Variants in RIT2 observed in about 807,000 individuals in gnomAD.
The protein encoded by RIT2 is Ras like without CAAX 2.
Under a neutral mutation model 23.7 loss-of-function variants are expected in RIT2, and 24 were observed. The observed-to-expected ratio is 1.01, with a 90% CI of 0.73 to 1.43. The LOEUF (loss-of-function observed/expected upper bound fraction) is 1.43. RIT2 is among the 40% of genes most tolerant of loss of function. RIT2 has a pLI of 0.00. For missense variants in RIT2, 236 were observed against 266.9 expected (o/e 0.88, Z 0.81); for synonymous variants, 107 against 91.1 (o/e 1.17, Z -0.99).
chr18:42,833,458 T>C (rs1906515945), intron 4 of RIT2, among the ~76,000 whole-genome samples: 1 of 152,220 alleles, frequency 6.6e-6, no homozygotes, highest in Admixed American at 6.5e-5. Context: ...GGAGTGCAGA[T>C]ATCCCTTTGA....
chr18:42,969,853 A>G (rs1177261460), intron 3 of RIT2, among the ~76,000 whole-genome samples: 1 of 152,076 alleles, frequency 6.6e-6, no homozygotes, highest in Non-Finnish European at 1.5e-5. Flanking sequence ...TTTAGATATC[A>G]AAGATAACCC....
chr18:42,814,068 G>C (rs989136135), intron 4 of RIT2, among the ~76,000 whole-genome samples: 2 of 152,210 alleles, frequency 1.3e-5, no homozygotes, highest in African/African-American at 4.8e-5. Flanking sequence ...TAAGGCCTGT[G>C]AGCTCACTGT....
intron 4 of RIT2, among the ~76,000 whole-genome samples, chr18:42,782,085 A>T (rs1158007626): frequency 1.3e-5 from 2 of 152,208 alleles, no homozygotes. Flanking sequence ...AGGAAAATGT[A>T]CAGTTTCTTT....
intron 4 of RIT2, among the ~76,000 whole-genome samples, chr18:42,757,679 G>A (rs141684533): frequency 6.6e-6 from 1 of 152,204 alleles, no homozygotes; most frequent in African/African-American, 2.4e-5. Context: ...TTCAATCTTA[G>A]CAGAGTCATC....
In RIT2 at chr18:43,111,162, A is replaced by G. The variant is rs886421070; in HGVS notation, c.103+4255T>C. Among the ~76,000 whole-genome samples, 2 of 152,296 alleles carry G rather than the reference A, an allele frequency of 1.3e-5. 1 individual carries two copies. The highest frequency in any genetic ancestry group is 4.1e-4 in the South Asian group (2 of 4,828). On this transcript the variant is annotated intron_variant, in intron 1 of 4. Coordinates refer to ENST00000326695, the MANE Select transcript of RIT2 (RefSeq NM_002930.4). ...GTCATTTGCAACAGCATGCATGGAA[A>G]TGGAGATCATTGTGTCAAGTGAAAT...
intron 3 of RIT2, among the ~76,000 whole-genome samples, chr18:42,929,066 A>ATATATATATATATATAT (rs1568032674): frequency 6.9e-5 from 3 of 43,340 alleles, no homozygotes; most frequent in African/African-American, 2.2e-4. Flanking sequence ...TATTTATATG[A>ATATATATATATATATAT]GACAAATAAA....
At chr18:43,096,186 A>G (rs1434597832) in intron 1 of RIT2, among the ~76,000 whole-genome samples, 1 of 151,954 alleles carries the variant, frequency 6.6e-6, no homozygotes. Flanking sequence ...GAAATCCACG[A>G]AAGCACATAT....
intron 2 of RIT2, among the ~76,000 whole-genome samples, chr18:43,001,467 T>A (rs1167147311): frequency 6.6e-6 from 1 of 151,898 alleles, no homozygotes; most frequent in East Asian, 1.9e-4. Context: ...TGAAAGAAAG[T>A]GAGTGCCGAC....
chr18:42,805,187 TC>T (rs920221525), intron 4 of RIT2, among the ~76,000 whole-genome samples: 1 of 152,224 alleles, frequency 6.6e-6, no homozygotes, highest in African/African-American at 2.4e-5. Flanking sequence ...CAATTATGAA[TC>T]TGTTACAAGT....
At chr18:42,871,212 A>G (rs1217153459) in intron 4 of RIT2, among the ~76,000 whole-genome samples, 1 of 152,192 alleles carries the variant, frequency 6.6e-6, no homozygotes, top group Non-Finnish European at 1.5e-5. Context: ...TTCATCAGCA[A>G]CACACATTTT....
At chr18:43,088,008 C>T (rs572492761) in intron 1 of RIT2, among the ~76,000 whole-genome samples, 9 of 152,284 alleles carry the variant, frequency 5.9e-5, no homozygotes, top group African/African-American at 2.2e-4. Context: ...GACACAATTA[C>T]AAAGCCTAGT....
chr18:42,748,241 G>C (rs558073241), intron 4 of RIT2, among the ~76,000 whole-genome samples: 1 of 151,546 alleles, frequency 6.6e-6, no homozygotes, highest in South Asian at 2.1e-4. Flanking sequence ...AAATCCGCAA[G>C]AAAAAAACAA....
chr18:42,780,954 A>G (rs1264230166), intron 4 of RIT2, among the ~76,000 whole-genome samples: 1 of 151,850 alleles, frequency 6.6e-6, no homozygotes. Context: ...TCTATTTTAT[A>G]TATGAGGAAA....
chr18:42,963,043 C>T (rs1910128406), intron 3 of RIT2, among the ~76,000 whole-genome samples: 2 of 152,140 alleles, frequency 1.3e-5, no homozygotes, highest in Admixed American at 1.3e-4. Flanking sequence ...ATCCATGTTG[C>T]AAGGAATAAT....
chr18:42,873,364 T>C (rs1309540588), intron 4 of RIT2, among the ~76,000 whole-genome samples: 1 of 152,118 alleles, frequency 6.6e-6, no homozygotes, highest in Non-Finnish European at 1.5e-5. Context: ...GTCCCTAAGG[T>C]TCATATTATT....
At chr18:43,114,398 AGTT>A (rs1049764243) in intron 1 of RIT2, among the ~76,000 whole-genome samples, 1 of 152,094 alleles carries the variant, frequency 6.6e-6, no homozygotes, top group Non-Finnish European at 1.5e-5. Context: ...CATCCACCAA[AGTT>A]GTTAGTTTTT....
At chr18:43,067,000 G>A (rs889040720) in intron 1 of RIT2, among the ~76,000 whole-genome samples, 1 of 151,518 alleles carries the variant, frequency 6.6e-6, no homozygotes, top group Non-Finnish European at 1.5e-5. Context: ...ATCCTGGGAA[G>A]GAAGACATGA....
intron 4 of RIT2, among the ~76,000 whole-genome samples, chr18:42,919,228 A>G (rs1217871949): frequency 6.6e-6 from 1 of 152,140 alleles, no homozygotes; most frequent in Non-Finnish European, 1.5e-5. Flanking sequence ...TACCCCTCTA[A>G]GTAAAGAAAT....
chr18:42,792,069 C>T (rs1449883799), intron 4 of RIT2, among the ~76,000 whole-genome samples: 2 of 151,808 alleles, frequency 1.3e-5, no homozygotes, highest in Non-Finnish European at 1.5e-5. Flanking sequence ...AAAACTGATC[C>T]GAAGATGGAG....
Sources: gnomAD v4.1 joint callset for allele counts (sites outside exome capture counted in the v4.1 genomes callset) on GRCh38, gnomAD v4.1.1 for gene constraint, MANE v1.5 for transcripts, NCBI Gene and HGNC (gene_info 2026-07-23, HGNC 2026-07-21) for gene names.